POLQ: variants seen among roughly 807,000 people sequenced by gnomAD.
POLQ encodes DNA polymerase theta.
In POLQ, 233 loss-of-function variants were observed where a neutral mutation model predicts 259.2. That is an observed-to-expected ratio of 0.90 (90% CI 0.81 to 1.00). The LOEUF (loss-of-function observed/expected upper bound fraction) is 1.00, where lower values mean the gene tolerates loss of function less well. Ranked by LOEUF, POLQ falls within the 50% of genes least tolerant of loss-of-function variation. POLQ has a pLI of 0.00. For synonymous variants in POLQ, 1,025 were observed against 1,048.8 expected (o/e 0.98, Z 0.44); for missense variants, 2,871 against 3,051.6 (o/e 0.94, Z 1.39).
At position 121,520,027 on chromosome 3, in the gene POLQ, G is replaced by A. The variant is rs146111884; in HGVS notation, c.1312C>T (p.Arg438Trp). The A allele has an allele frequency of 7.2e-5, 116 of 1,613,316 alleles. No homozygotes were observed. Among genetic ancestry groups the A allele is most frequent in the African/African-American group, 4.8e-4 (36 of 74,862 alleles). The change falls in exon 9 of 30, where the codon CGG (arginine) becomes TGG (tryptophan). Residue 438 changes from arginine (R) to tryptophan (W), a missense_variant. Arg to Trp is a moderately radical substitution (Grantham distance 101). Transcript: ENST00000264233. ...AGAGTAGAAGTTGCCGCCAAGACCC[G>A]AATGAGACCTTGACGAAAGGCTCCT... is the stretch of plus-strand genomic sequence containing the variant. The part of the protein sequence containing the change: ...IEGAFRQGLI[R>W]VLAATSTLSS...
chr3:121,539,821 C>A (rs1170615233), intron 3 of POLQ, among the ~76,000 whole-genome samples: 1 of 152,050 alleles, frequency 6.6e-6, no homozygotes, highest in Non-Finnish European at 1.5e-5. Context: ...ATTTTAATGA[C>A]AGCATAATAA....
chr3:121,526,676 T>A (rs2048375331), intron 7 of POLQ, among the ~76,000 whole-genome samples: 1 of 152,174 alleles, frequency 6.6e-6, no homozygotes, highest in South Asian at 2.1e-4. Flanking sequence ...CACCAAAAAA[T>A]TTTCCAATAT....
At chr3:121,452,367 C>T (rs1161204389) in intron 25 of POLQ, among the ~76,000 whole-genome samples, 1 of 152,172 alleles carries the variant, frequency 6.6e-6, no homozygotes, top group Non-Finnish European at 1.5e-5. Flanking sequence ...GCATAGCTTA[C>T]GCTGGGAGCT....
At chr3:121,469,136 C>A (rs1372089052) in intron 22 of POLQ, among the ~76,000 whole-genome samples, 1 of 142,292 alleles carries the variant, frequency 7.0e-6, no homozygotes, top group Non-Finnish European at 1.5e-5. Context: ...TGCACTGAGC[C>A]GAGATCATGC....
intron 7 of POLQ, among the ~76,000 whole-genome samples, chr3:121,525,999 A>T (rs2048371130): frequency 1.3e-5 from 2 of 152,060 alleles, no homozygotes; most frequent in African/African-American, 4.8e-5. Flanking sequence ...GACTTTCACA[A>T]GGTTCTATCG....
At chr3:121,494,477 G>A in intron 14 of POLQ, 1 of 1,481,724 alleles carries the variant, frequency 6.7e-7, no homozygotes, top group South Asian at 1.1e-5. Flanking sequence ...GAAAGCTGCT[G>A]GCAGAGGGGA....
At chr3:121,481,031 T>C (rs779871504) in intron 19 of POLQ, among the ~76,000 whole-genome samples, 1 of 152,180 alleles carries the variant, frequency 6.6e-6, no homozygotes, top group Non-Finnish European at 1.5e-5. Flanking sequence ...ACAATGACAA[T>C]AAATTCATGT....
At chr3:121,487,185 T>C (rs1163273675) in intron 16 of POLQ, 117 bp downstream of exon 16, 16 of 606,074 alleles carry the variant, frequency 2.6e-5, no homozygotes, top group Non-Finnish European at 3.9e-5. Context: ...ACAGAGGAGA[T>C]ACATACTACA....
chr3:121,506,509 T>A (rs891603620), intron 12 of POLQ, among the ~76,000 whole-genome samples: 16 of 152,150 alleles, frequency 1.1e-4, no homozygotes, highest in Non-Finnish European at 2.2e-4. Flanking sequence ...GGGGAAAATG[T>A]TCAAATTTAC....
intron 23 of POLQ, 33 bp downstream of exon 23, chr3:121,468,272 T>C: frequency 6.4e-7 from 1 of 1,561,152 alleles, no homozygotes; most frequent in Admixed American, 2.0e-5. Context: ...TTACAAAAGT[T>C]TATTAATACA....
rs75269625 is a variant in POLQ, at chr3:121,484,357, C to G, written c.5773+684G>C. Among the ~76,000 whole-genome samples, 834 of 152,276 alleles carry G rather than the reference C, an allele frequency of 5.5e-3. 3 individuals are homozygous for G. The highest frequency in any genetic ancestry group is 0.01 in the Middle Eastern group (3 of 294). On this transcript the variant is annotated intron_variant, in intron 17 of 29. Transcript: ENST00000264233. ...TACTATAGATCTCTAGCTCAACATT[C>G]CCTCTAGATGAGTTTCAGACCCATT...
At chr3:121,463,816 T>C (rs1282272746) in intron 24 of POLQ, among the ~76,000 whole-genome samples, 1 of 152,132 alleles carries the variant, frequency 6.6e-6, no homozygotes, top group Non-Finnish European at 1.5e-5. Context: ...ATTTCTTCAT[T>C]CCACTATATA....
At chr3:121,538,014 C>G (rs1233742253) in intron 4 of POLQ, among the ~76,000 whole-genome samples, 2 of 152,074 alleles carry the variant, frequency 1.3e-5, no homozygotes, top group Non-Finnish European at 2.9e-5. Flanking sequence ...TTACTCAGGG[C>G]TAAACAAACC....
At chr3:121,541,546 G>T (rs1436222438) in intron 2 of POLQ, 67 bp from the exon 3 acceptor site, 2 of 1,422,760 alleles carry the variant, frequency 1.4e-6, no homozygotes, top group African/African-American at 1.4e-5. Context: ...ATTAATAAAT[G>T]TTTTAAGCCA....
rs111976946 is a variant in POLQ at position 121,542,859 on chromosome 3, T to C, written c.344-1380A>G. ...GGGGCCGGGCGTGGTGGCGGGCGCCTGTATGTAATTCCAGCTACTCCGGAG... is the reference window on the plus strand; with the variant it reads ...GGGGCCGGGCGTGGTGGCGGGCGCCCGTATGTAATTCCAGCTACTCCGGAG... On this transcript the variant is annotated intron_variant, in intron 2 of 29. Transcript: ENST00000264233. Among the ~76,000 whole-genome samples the C allele has an allele frequency of 3.3e-3, 502 of 151,984 alleles. 5 individuals carry two copies. The highest frequency in any genetic ancestry group is 0.012 in the African/African-American group (479 of 41,452).
intron 20 of POLQ, among the ~76,000 whole-genome samples, chr3:121,475,404 T>G (rs2047917583): frequency 6.6e-6 from 1 of 152,146 alleles, no homozygotes; most frequent in African/African-American, 2.4e-5. Flanking sequence ...GAAATACAAA[T>G]TTCAAACTGG....
rs759709454 is a variant in POLQ at position 121,432,940 on chromosome 3, A to G, written c.7637T>C (p.Val2546Ala). Reference protein sequence around the residue: ...LQLHDELLYEVAEEDVVQVAQ... With the variant: ...LQLHDELLYEAAEEDVVQVAQ... ...TACCTGAACAACATCTTCTTCTGCC[A>G]CTTCATATAGGAGTTCATCATGGAG... Residue 2546 changes from valine (V) to alanine (A), a missense_variant, in exon 29 of 30, where the codon GTG becomes GCG. Physicochemically the swap from Val to Ala is moderately conservative, Grantham distance 64 (BLOSUM62 0). This residue lies in a region of POLQ where 2,080 missense variants were observed against 2,126.0 expected (regional missense o/e 0.98). Transcript: ENST00000264233. The G allele has an allele frequency of 6.3e-7, 1 of 1,598,660 alleles. No homozygotes were observed. The highest frequency in any genetic ancestry group is 1.1e-5 in the South Asian group (1 of 90,788).
chr3:121,469,221 A>C (rs1024835915), intron 22 of POLQ, among the ~76,000 whole-genome samples: 1 of 148,696 alleles, frequency 6.7e-6, no homozygotes, highest in Non-Finnish European at 1.5e-5. Flanking sequence ...TAAAGCCTTT[A>C]TTTCCAAATA....
At chr3:121,475,813 C>A (rs910776564) in intron 20 of POLQ, among the ~76,000 whole-genome samples, 2 of 152,186 alleles carry the variant, frequency 1.3e-5, no homozygotes, top group African/African-American at 4.8e-5. Context: ...ATCACAAGGG[C>A]AGCAATTCTT....
Sources: allele counts gnomAD v4.1 joint callset (sites outside exome capture counted in the v4.1 genomes callset), GRCh38; gene constraint gnomAD v4.1.1; regional missense constraint gnomAD v4.1.1; transcripts MANE v1.5; gene names NCBI Gene and HGNC (gene_info 2026-07-23, HGNC 2026-07-21).